The following GCN1 variants were observed in gnomAD, a reference collection of about 807,000 sequenced individuals.
GCN1 encodes the protein stalled ribosome sensor GCN1.
A neutral mutation model predicts 288.4 loss-of-function variants in GCN1; 90 were observed. The observed-to-expected ratio is 0.31, with a 90% CI of 0.26 to 0.37. The LOEUF (loss-of-function observed/expected upper bound fraction) is 0.37. GCN1 is among the 10% of genes least tolerant of loss of function. The pLI is 1.00. For synonymous variants in GCN1, 1,386 were observed against 1,420.2 expected (o/e 0.98, Z 0.54); for missense variants, 2,586 against 3,419.9 (o/e 0.76, Z 6.08).
intron 16 of GCN1, among the ~76,000 whole-genome samples, chr12:120,165,855 A>G (rs1182688328): frequency 6.6e-6 from 1 of 151,428 alleles, no homozygotes; most frequent in Non-Finnish European, 1.5e-5. Context: ...ACAATGGTGC[A>G]ATCTCGGCTT....
chr12:120,185,734 G>A (rs1275272175), intron 2 of GCN1, among the ~76,000 whole-genome samples: 1 of 152,118 alleles, frequency 6.6e-6, no homozygotes, highest in Non-Finnish European at 1.5e-5. Context: ...ATGAGTAGCT[G>A]AGACTAAAGG....
intron 14 of GCN1, among the ~76,000 whole-genome samples, chr12:120,171,141 CA>C (rs56734169): frequency 2.2e-3 from 195 of 88,418 alleles, no homozygotes; most frequent in Admixed American, 5.1e-3. Flanking sequence ...ACCCCATCTC[CA>C]AAAAAAAAAA....
intron 57 of GCN1, among the ~76,000 whole-genome samples, chr12:120,128,902 CAT>C (rs1235551026): frequency 6.7e-5 from 9 of 133,994 alleles, no homozygotes; most frequent in Non-Finnish European, 1.2e-4. Context: ...AGTGCAGTGG[CAT>C]GATCTCAGCT....
At position 120,127,936 on chromosome 12, in the gene GCN1, C is replaced by T. The variant is rs536354765; in HGVS notation, c.7929G>A (p.Val2643=). 41 of 1,614,098 alleles carry T rather than the reference C, an allele frequency of 2.5e-5. No individual in the cohort carries two copies. In the South Asian group the frequency reaches 4.3e-4, roughly 17 times the overall value. ...SKILDVASLE[V]LNEVNRRSLK... ...GGGACCTTCGGTTAACCTCGTTCAG[C>T]ACCTCCAAACTGGCCACATCCAGGA... The change falls in exon 58 of 58, where the codon GTG becomes GTA. Residue 2643 remains valine (V), a synonymous_variant. Transcript: ENST00000300648.
chr12:120,188,157 G>A (rs1041763927), intron 2 of GCN1, among the ~76,000 whole-genome samples: 14 of 152,212 alleles, frequency 9.2e-5, no homozygotes, highest in Admixed American at 5.9e-4. Context: ...CTCTAGGCTG[G>A]GCATGGTGGC....
At chr12:120,192,675 T>C (rs1478544610) in intron 1 of GCN1, among the ~76,000 whole-genome samples, 7 of 148,492 alleles carry the variant, frequency 4.7e-5, no homozygotes, top group African/African-American at 1.8e-4. Flanking sequence ...GAGGTTGTAG[T>C]GAGCCAAGAT....
intron 18 of GCN1, among the ~76,000 whole-genome samples, chr12:120,163,889 G>A (rs931095204): frequency 3.3e-5 from 5 of 152,210 alleles, no homozygotes; most frequent in African/African-American, 9.6e-5. Context: ...TTGGGAAGCC[G>A]AGGTAGGAGG....
At chr12:120,173,515 G>GCT in intron 14 of GCN1, 138 bp downstream of exon 14, 1 of 636,798 alleles carries the variant, frequency 1.6e-6, no homozygotes, top group Middle Eastern at 4.4e-4. Context: ...TAAGCCCAAT[G>GCT]CTCTCATTTA....
At position 120,150,055 on chromosome 12, in the gene GCN1, G is replaced by T; in HGVS notation, c.4310-12C>A. ...GGCAAAGAGGGCTCCTAGGGGAAAAGAAGGTGGGACGGCTGGGAAGAGAAT... is the reference window on the plus strand; with the variant it reads ...GGCAAAGAGGGCTCCTAGGGGAAAATAAGGTGGGACGGCTGGGAAGAGAAT... On this transcript the variant is annotated splice_polypyrimidine_tract_variant and intron_variant, in intron 34 of 57. Transcript: ENST00000300648. 1 of 1,613,592 alleles carries T rather than the reference G, an allele frequency of 6.2e-7. No homozygotes were observed. The highest frequency in any genetic ancestry group is 8.5e-7 in the Non-Finnish European group (1 of 1,179,884).
At chr12:120,146,346 T>TTTAA in intron 38 of GCN1, among the ~76,000 whole-genome samples, 1 of 152,228 alleles carries the variant, frequency 6.6e-6, no homozygotes, top group South Asian at 2.1e-4. Flanking sequence ...TTCTAATTTT[T>TTTAA]TTAATTAATT....
At chr12:120,150,145 T>A in intron 34 of GCN1, 102 bp from the exon 35 acceptor site, 1 of 1,169,174 alleles carries the variant, frequency 8.6e-7, no homozygotes, top group Non-Finnish European at 1.2e-6. Context: ...CCCACCCCTC[T>A]GGAAACACTC....
intron 56 of GCN1, among the ~76,000 whole-genome samples, chr12:120,130,189 G>A (rs114394518): frequency 1.2e-3 from 188 of 152,292 alleles, no homozygotes; most frequent in African/African-American, 4.4e-3. Context: ...TGCTTCAGAA[G>A]CACGCCATAT....
chr12:120,146,982 C>T (rs1877383547), intron 38 of GCN1, 70 bp downstream of exon 38: 2 of 859,112 alleles, frequency 2.3e-6, no homozygotes, highest in Non-Finnish European at 3.4e-6. Context: ...AATGTGGGGA[C>T]TCTGCACCTC....
In GCN1 at chr12:120,144,218, C is replaced by T; in HGVS notation, c.5495+88G>A. 5.5e-6 allele frequency: 8 copies of T among 1,453,240 alleles called. No homozygotes were observed. The highest frequency in any genetic ancestry group is 7.7e-6 in the Non-Finnish European group (8 of 1,037,922). The allele number at this position is 1,453,240 out of a possible 1,614,324, so 90.0% of individuals were successfully genotyped here. A position where few individuals can be genotyped will look rare whatever the true frequency, so the allele number is the denominator to read the frequency against. On this transcript the variant is annotated intron_variant, in intron 42 of 57. Coordinates refer to ENST00000300648, the MANE Select transcript of GCN1 (RefSeq NM_006836.2). The surrounding 1 kb of genome is among the most constrained non-coding windows in gnomAD (Gnocchi z 4.7). ...CGTAAACTCCTGGGTTTAAGCAATCCTCCTGCCTCGGCTTTCCAGAGTGCT... is the reference window on the plus strand; with the variant it reads ...CGTAAACTCCTGGGTTTAAGCAATCTTCCTGCCTCGGCTTTCCAGAGTGCT...
At position 120,151,359 on chromosome 12, in the gene GCN1, G is replaced by A. The variant is rs748554447; in HGVS notation, c.4095C>T (p.Pro1365=). 2.8e-5 allele frequency: 45 copies of A among 1,613,626 alleles called. No homozygotes were observed. The highest frequency in any genetic ancestry group is 3.7e-5 in the Non-Finnish European group (44 of 1,179,874). ...VQESVASCLP[P]LVPAIKEDAG... ...CATCCTCCTTGATGGCTGGCACAAG[G>A]GGTGGCAAGCAGCTGGCTACGGACT... The change falls in exon 34 of 58, where the codon CCC becomes CCT. Residue 1365 remains proline, a synonymous_variant. Coordinates refer to ENST00000300648, the MANE Select transcript of GCN1 (RefSeq NM_006836.2).
Position 120,134,344 on chromosome 12 carries a change from C to T in GCN1, c.7264G>A (p.Val2422Ile), listed in dbSNP as rs745425348. The change falls in exon 53 of 58, where the codon GTC becomes ATC. Residue 2422 changes from valine to isoleucine, a missense_variant. By Grantham distance (29) the Val-to-Ile change is conservative. Around this residue, in one of 8 missense-constraint regions of GCN1, gnomAD observed 355 missense variants for 431.1 expected, o/e 0.82. Transcript: ENST00000300648. The surrounding 1 kb of genome is among the most constrained non-coding windows in gnomAD (Gnocchi z 5.0). ...AGTGAGACGATGTTTTTCCGGATGA[C>T]GGCATCCACTTTGGCCCCTGCTCCC... Reference protein sequence around the residue: ...IQGAGAKVDAVIRKNIVSLLL... With the variant: ...IQGAGAKVDAIIRKNIVSLLL... The T allele has an allele frequency of 3.0e-5, 48 of 1,613,940 alleles. No homozygotes were observed. The highest frequency in any genetic ancestry group is 1.2e-4 in the Admixed American group (7 of 60,004).
intron 36 of GCN1, 49 bp downstream of exon 36, chr12:120,149,556 TG>T: frequency 7.7e-7 from 1 of 1,306,108 alleles, no homozygotes; most frequent in Non-Finnish European, 1.1e-6. Context: ...TTGCTGAGGC[TG>T]GTTTTCATAA....
chr12:120,174,916 A>T (rs1878430617), intron 12 of GCN1, among the ~76,000 whole-genome samples: 1 of 151,600 alleles, frequency 6.6e-6, no homozygotes, highest in Admixed American at 6.6e-5. Flanking sequence ...ACTTGACGCC[A>T]GGAGTTCAAG....
At chr12:120,174,335 ACCTCCTGCCTTCTATAGAAGCCAAG>A (rs1438949068) in intron 12 of GCN1, among the ~76,000 whole-genome samples, 166 bp from the exon 13 acceptor site, 45 of 151,862 alleles carry the variant, frequency 3.0e-4, no homozygotes, top group African/African-American at 1.0e-3. Context: ...CCCCCTCTAC[ACCTCCTGCCTTCTATAGAAGCCAAG>A]CCTCCTGCTA....
Sources: gnomAD v4.1 joint callset for allele counts (sites outside exome capture counted in the v4.1 genomes callset) on GRCh38, gnomAD v4.1.1 for gene constraint, gnomAD v4.1.1 regional missense constraint, Gnocchi (gnomAD v3.1) non-coding constraint, MANE v1.5 for transcripts, NCBI Gene and HGNC (gene_info 2026-07-23, HGNC 2026-07-21) for gene names.